Variants in PPP1R21 observed in about 807,000 individuals in gnomAD.
PPP1R21 encodes the protein protein phosphatase 1 regulatory subunit 21.
Under a neutral mutation model 112.8 loss-of-function variants are expected in PPP1R21, and 85 were observed. The observed-to-expected ratio is 0.75, with a 90% CI of 0.63 to 0.90. PPP1R21 has a LOEUF of 0.90. Ranked by LOEUF, PPP1R21 falls within the 40% of genes least tolerant of loss-of-function variation. The pLI is 0.00. For synonymous variants in PPP1R21, 381 were observed against 322.3 expected (o/e 1.18, Z -1.95); for missense variants, 1,199 against 901.5 (o/e 1.33, Z -4.23).
chr2:48,471,312 C>T lies in PPP1R21; in HGVS notation c.1033C>T (p.His345Tyr), dbSNP rs1396605411. ...TGTGAAATTGAAAACTTTTTCAGAA[C>T]ACTTAACCTCCTACATATGTTTTCT... ...TTVKLKTFSE[H>Y]LTSYICFLRK... The change falls in exon 11 of 22, where the codon CAC (histidine) becomes TAC (tyrosine). Residue 345 changes from histidine (H) to tyrosine (Y), a missense_variant. His to Tyr is a moderately conservative substitution (Grantham distance 83). Transcript: ENST00000294952. The T allele has an allele frequency of 2.5e-6, 4 of 1,611,428 alleles. No homozygotes were observed. The highest frequency in any genetic ancestry group is 3.4e-6 in the Non-Finnish European group (4 of 1,179,112).
chr2:48,461,317 T>A lies in PPP1R21; in HGVS notation c.694+85T>A, dbSNP rs190240399. The A allele has an allele frequency of 1.4e-3, 1,895 of 1,388,814 alleles. 6 individuals carry two copies. The highest frequency in any genetic ancestry group is 1.5e-3 in the Non-Finnish European group (1,624 of 1,069,504). 86.0% of individuals were successfully genotyped at this position (1,388,814 alleles called of 1,614,324 possible). A position where few individuals can be genotyped will look rare whatever the true frequency, so the allele number is the denominator to read the frequency against. The stretch of plus-strand genomic sequence containing the variant: ...CTAATTAAAGTAATTTTTAATCTTT[T>A]GGGCAAAAAATTTAATTGGCCCCAC... On this transcript the variant is annotated intron_variant, in intron 7 of 21. Coordinates refer to ENST00000294952, the MANE Select transcript of PPP1R21 (RefSeq NM_001135629.3).
intron 7 of PPP1R21, among the ~76,000 whole-genome samples, chr2:48,464,634 C>T (rs72872730): frequency 0.016 from 2,439 of 152,122 alleles, 77 homozygotes; most frequent in African/African-American, 0.056. Context: ...ACAGCAAGAA[C>T]GTCATGAGCC....
chr2:48,443,838 G>C (rs1312503904), intron 1 of PPP1R21, among the ~76,000 whole-genome samples: 1 of 144,630 alleles, frequency 6.9e-6, no homozygotes, highest in South Asian at 2.2e-4. Flanking sequence ...CTGAAATCCA[G>C]TTGCATAATT....
In PPP1R21 at chr2:48,515,166, A is replaced by G. The variant is rs1231958183; in HGVS notation, c.*422A>G. 6.4e-6 allele frequency: 1 copy of G among 155,204 alleles called. No individual in the cohort carries two copies. The highest frequency in any genetic ancestry group is 2.5e-5 in the African/African-American group (1 of 40,724). The allele number at this position is 155,204 out of a possible 1,614,324, so 9.6% of individuals were successfully genotyped here. A position where few individuals can be genotyped will look rare whatever the true frequency, so the allele number is the denominator to read the frequency against. Reference sequence around the variant, plus strand: ...AATTGTCAAACTGTCATTACTTCTTATTATAGTTGAAGGCATTCTCCAGAT... The same window carrying G: ...AATTGTCAAACTGTCATTACTTCTTGTTATAGTTGAAGGCATTCTCCAGAT... On this transcript the variant is annotated 3_prime_UTR_variant, in exon 22 of 22. Coordinates refer to ENST00000294952, the MANE Select transcript of PPP1R21 (RefSeq NM_001135629.3).
chr2:48,489,452 C>G (rs1334034236), intron 14 of PPP1R21, among the ~76,000 whole-genome samples: 1 of 151,954 alleles, frequency 6.6e-6, no homozygotes, highest in East Asian at 2.0e-4. Context: ...AGTGAGTCCT[C>G]CTACCTCGGT....
At chr2:48,486,169 G>GC (rs1361861927) in intron 13 of PPP1R21, among the ~76,000 whole-genome samples, 1 of 152,048 alleles carries the variant, frequency 6.6e-6, no homozygotes, top group East Asian at 1.9e-4. Flanking sequence ...GTTAGGGTGT[G>GC]CACTAGGAAA....
chr2:48,468,246 G>A (rs900870441), intron 9 of PPP1R21, among the ~76,000 whole-genome samples: 13 of 152,306 alleles, frequency 8.5e-5, no homozygotes, highest in East Asian at 5.8e-4. Flanking sequence ...AAAACAGTGC[G>A]TGGCATGTAA....
chr2:48,452,905 A>G (rs1354366088), intron 2 of PPP1R21, among the ~76,000 whole-genome samples: 5 of 151,824 alleles, frequency 3.3e-5, no homozygotes, highest in Admixed American at 3.3e-4. Flanking sequence ...ACATGCAGGT[A>G]ATGTCAGTAG....
At chr2:48,497,454 C>T (rs1234868188) in intron 16 of PPP1R21, among the ~76,000 whole-genome samples, 1 of 152,172 alleles carries the variant, frequency 6.6e-6, no homozygotes, top group Non-Finnish European at 1.5e-5. Flanking sequence ...ATTCTCCTGC[C>T]TTCTAGCACT....
intron 15 of PPP1R21, among the ~76,000 whole-genome samples, chr2:48,492,914 G>T (rs1669634685): frequency 1.3e-5 from 2 of 151,088 alleles, no homozygotes; most frequent in Non-Finnish European, 3.0e-5. Flanking sequence ...CTGTTGTTTT[G>T]GTTCATATGT....
At chr2:48,480,855 G>T (rs181198656) in intron 13 of PPP1R21, among the ~76,000 whole-genome samples, 82 of 152,276 alleles carry the variant, frequency 5.4e-4, no homozygotes, top group African/African-American at 1.9e-3. Context: ...TCATAACATG[G>T]ATAAGAGGCA....
At chr2:48,489,764 G>C (rs1669473710) in intron 14 of PPP1R21, among the ~76,000 whole-genome samples, 1 of 152,022 alleles carries the variant, frequency 6.6e-6, no homozygotes, top group South Asian at 2.1e-4. Context: ...ACAAAAATTA[G>C]GCTGGGTGTG....
At chr2:48,466,339 C>G (rs1182332395) in intron 9 of PPP1R21, among the ~76,000 whole-genome samples, 1 of 151,936 alleles carries the variant, frequency 6.6e-6, no homozygotes, top group Non-Finnish European at 1.5e-5. Context: ...AGCTTCCCAA[C>G]TAGCTGGGAC....
rs530632816 is a variant in PPP1R21, at chr2:48,458,227, A to G, written c.375A>G (p.Gln125=). 6.3e-7 allele frequency: 1 copy of G among 1,599,866 alleles called. No homozygotes were observed. Among genetic ancestry groups the G allele is most frequent in the Non-Finnish European group, 8.6e-7 (1 of 1,168,310 alleles). Residue 125 remains glutamine (Q), a splice_region_variant and synonymous_variant, in exon 4 of 22, where the codon CAA becomes CAG. Coordinates refer to ENST00000294952, the MANE Select transcript of PPP1R21 (RefSeq NM_001135629.3). ...AAGAGAATGAACGGTTGCATATACA[A>G]GTGAGAAAATCTGTTTTTCTATGTG... ...KIEENERLHI[Q]FFEADEQHKH...
At chr2:48,448,362 C>G (rs925749955) in intron 1 of PPP1R21, among the ~76,000 whole-genome samples, 3 of 152,184 alleles carry the variant, frequency 2.0e-5, no homozygotes, top group African/African-American at 4.8e-5. Flanking sequence ...ACAAAGCAGT[C>G]TGTTCAGTTT....
chr2:48,440,989 G>C lies in PPP1R21; in HGVS notation c.36G>C (p.Lys12Asn). ...ASAELQGKYQKLAQEYSKLRA... is the reference protein window; with the variant it reads ...ASAELQGKYQNLAQEYSKLRA... ...CTGAGTTGCAGGGGAAGTACCAGAA[G>C]CTGGCTCAGGAGTACTCGAAGGTAC... The change falls in exon 1 of 22, where the codon AAG becomes AAC. Residue 12 changes from lysine (K) to asparagine (N), a missense_variant. Transcript: ENST00000294952. 1 of 1,612,026 alleles carries C rather than the reference G, an allele frequency of 6.2e-7. No individual in the cohort carries two copies. Among genetic ancestry groups the C allele is most frequent in the South Asian group, 1.1e-5 (1 of 90,948 alleles).
Position 48,495,679 on chromosome 2 carries a change from C to T in PPP1R21, c.1600C>T (p.Pro534Ser), listed in dbSNP as rs772360305. Residue 534 changes from proline (P) to serine (S), a missense_variant and splice_region_variant, in exon 16 of 22, where the codon CCC becomes TCC. Transcript: ENST00000294952. ...AAAYMKSLRK[P>S]LLESVPYEEA... ...AATTCTTATGATGCTTTTATCATAG[C>T]CCCTCTTGGAGTCTGTGCCTTATGA... The T allele has an allele frequency of 6.3e-6, 10 of 1,574,952 alleles. 1 individual carries two copies. In the Admixed American group the frequency reaches 1.5e-4, roughly 24 times the overall value.
chr2:48,465,459 A>G (rs1459065321), intron 8 of PPP1R21, 34 bp from the exon 9 acceptor site: 2 of 1,576,672 alleles, frequency 1.3e-6, no homozygotes, highest in Non-Finnish European at 1.7e-6. Flanking sequence ...ATAATTTGAG[A>G]GTTGACCTTA....
chr2:48,492,715 T>C (rs1030134743), intron 15 of PPP1R21, among the ~76,000 whole-genome samples: 3 of 152,248 alleles, frequency 2.0e-5, no homozygotes, highest in Admixed American at 2.0e-4. Context: ...TGAAGGATAC[T>C]TCCCACGGTA....
Sources: gnomAD v4.1 joint callset for allele counts (sites outside exome capture counted in the v4.1 genomes callset) on GRCh38, gnomAD v4.1.1 for gene constraint, MANE v1.5 for transcripts, NCBI Gene and HGNC (gene_info 2026-07-23, HGNC 2026-07-21) for gene names.